TTC13: variants seen among roughly 807,000 people sequenced by gnomAD.
TTC13 encodes the protein tetratricopeptide repeat domain 13.
TTC13 carries 62 observed loss-of-function variants against 120.0 expected under a neutral mutation model. The ratio of observed to expected loss-of-function variants is 0.52; its 90% CI spans 0.42 to 0.64. The LOEUF (loss-of-function observed/expected upper bound fraction) is 0.64. Among genes scored for constraint, TTC13 ranks in the 30% least tolerant of loss-of-function variants. The pLI is 0.00. For synonymous variants in TTC13, 384 were observed against 393.5 expected (o/e 0.98, Z 0.28); for missense variants, 824 against 1,050.2 (o/e 0.78, Z 2.98).
At chr1:230,971,188 A>C (rs1220080485) in intron 1 of TTC13, among the ~76,000 whole-genome samples, 1 of 69,348 alleles carries the variant, frequency 1.4e-5, no homozygotes, top group East Asian at 3.7e-4. Context: ...TATTAAAAAT[A>C]CAAAAAAATT....
At chr1:230,977,455 C>T (rs567980561) in intron 1 of TTC13, among the ~76,000 whole-genome samples, 91 of 152,252 alleles carry the variant, frequency 6.0e-4, no homozygotes, top group African/African-American at 2.0e-3. Flanking sequence ...GTGTTACTTA[C>T]GCCGTTACCA....
intron 1 of TTC13, among the ~76,000 whole-genome samples, chr1:230,971,539 A>C (rs1336835354): frequency 6.6e-6 from 1 of 152,176 alleles, no homozygotes; most frequent in Non-Finnish European, 1.5e-5. Context: ...TCGTAAAGCA[A>C]ATTGAAAATA....
In TTC13 at chr1:230,940,638, C is replaced by T. The variant is rs375644087; in HGVS notation, c.673-82G>A. The T allele has an allele frequency of 1.2e-6, 1 of 847,738 alleles. No individual in the cohort carries two copies. The highest frequency in any genetic ancestry group is 1.7e-5 in the African/African-American group (1 of 59,786). The allele number at this position is 847,738 out of a possible 1,614,324, so 52.5% of individuals were successfully genotyped here. ...AATGTTTTTGACTCTTCAATTCCAC[C>T]TCACCATACTCCACTCAAAAATTAC... On this transcript the variant is annotated intron_variant, in intron 6 of 22. Transcript: ENST00000366661. This position sits in a 1 kb window ranked among gnomAD's most constrained non-coding sequence, Gnocchi z 4.1.
In TTC13 at chr1:230,961,514, TG is replaced by T. The variant is rs1345311301; in HGVS notation, c.272-212del. Among the ~76,000 whole-genome samples, 30 of 152,164 alleles carry T rather than the reference TG, an allele frequency of 2.0e-4. 1 individual carries two copies. The highest frequency in any genetic ancestry group is 2.0e-3 in the Admixed American group (30 of 15,282). ...TGAGGCAAGGAGTTCAAGACCAGCC[TG>T]GGCAACAGCAAACCAACCAGGCTGG... On this transcript the variant is annotated intron_variant, in intron 1 of 22. Coordinates refer to ENST00000366661, the MANE Select transcript of TTC13 (RefSeq NM_024525.5).
At chr1:230,964,953 C>T (rs910477653) in intron 1 of TTC13, among the ~76,000 whole-genome samples, 1 of 152,126 alleles carries the variant, frequency 6.6e-6, no homozygotes, top group Non-Finnish European at 1.5e-5. Context: ...AGACTCCTAT[C>T]CCTCACCATA....
rs1368146347 is a variant in TTC13 at position 230,978,160 on chromosome 1, G to A, written c.271+400C>T. 2.0e-5 allele frequency among the ~76,000 whole-genome samples: 3 copies of A among 152,164 alleles called. No individual in the cohort carries two copies. Among genetic ancestry groups the A allele is most frequent in the South Asian group, 2.1e-4 (1 of 4,832 alleles). On this transcript the variant is annotated intron_variant, in intron 1 of 22. Coordinates refer to ENST00000366661, the MANE Select transcript of TTC13 (RefSeq NM_024525.5). This position sits in a 1 kb window ranked among gnomAD's most constrained non-coding sequence, Gnocchi z 5.6. Reference sequence around the variant, plus strand: ...CCGGGGGCGGGCTCCGCAAGCCGCCGGGCTGGTTGCTCGTCCGCCCGCCCC... The same window carrying A: ...CCGGGGGCGGGCTCCGCAAGCCGCCAGGCTGGTTGCTCGTCCGCCCGCCCC...
intron 12 of TTC13, among the ~76,000 whole-genome samples, chr1:230,926,966 GGCTTATGA>G (rs1332843811): frequency 1.3e-5 from 2 of 152,094 alleles, no homozygotes; most frequent in African/African-American, 2.4e-5. Flanking sequence ...TCTACAGTTT[GGCTTATGA>G]GCTTTGGGAG....
Position 230,916,224 on chromosome 1 carries a change from C to T in TTC13, c.2062G>A (p.Asp688Asn), listed in dbSNP as rs771744234. The change falls in exon 18 of 23, where the codon GAT (aspartate) becomes AAT (asparagine). Residue 688 changes from aspartate (D) to asparagine (N), a missense_variant. By Grantham distance (23) the Asp-to-Asn change is conservative. This residue lies in a region of TTC13 where 226 missense variants were observed against 259.1 expected (regional missense o/e 0.87). Coordinates refer to ENST00000366661, the MANE Select transcript of TTC13 (RefSeq NM_024525.5). ...PSLKDQGKEY[D>N]GFTITITGDK... ...CCTGTAATCGTGATTGTGAATCCAT[C>T]ATATTCCTTCCCTTGGTCTTTAAGG... 2 of 1,614,080 alleles carry T rather than the reference C, an allele frequency of 1.2e-6. No homozygotes were observed. The highest frequency in any genetic ancestry group is 4.5e-5 in the East Asian group (2 of 44,886).
intron 3 of TTC13, 52 bp downstream of exon 3, chr1:230,958,172 A>G: frequency 6.3e-7 from 1 of 1,594,282 alleles, no homozygotes; most frequent in East Asian, 2.2e-5. Flanking sequence ...TATGCATCTA[A>G]CCAAAACTTT....
chr1:230,973,338 A>G (rs1161136734), intron 1 of TTC13, among the ~76,000 whole-genome samples: 1 of 152,258 alleles, frequency 6.6e-6, no homozygotes, highest in African/African-American at 2.4e-5. Flanking sequence ...ATATACATGG[A>G]CAATCTCAGT....
chr1:230,933,975 G>T, intron 8 of TTC13, 114 bp from the exon 9 acceptor site: 1 of 561,068 alleles, frequency 1.8e-6, no homozygotes, highest in Non-Finnish European at 2.9e-6. Context: ...TTTTCTTTTA[G>T]GAGGACTTTT....
chr1:230,928,800 T>A (rs1343674), intron 12 of TTC13, 137 bp downstream of exon 12: 1 of 770,596 alleles, frequency 1.3e-6, no homozygotes, highest in Non-Finnish European at 2.1e-6. Context: ...ACAAGGATAG[T>A]ATGCTTGATT....
chr1:230,943,073 C>T (rs947489005), intron 6 of TTC13, among the ~76,000 whole-genome samples: 7 of 152,142 alleles, frequency 4.6e-5, no homozygotes, highest in Non-Finnish European at 7.3e-5. Flanking sequence ...GCAGAATGAA[C>T]GCTTCCAAGG....
intron 9 of TTC13, 22 bp from the exon 10 acceptor site, chr1:230,931,899 T>G (rs760399422): frequency 1.2e-5 from 19 of 1,611,108 alleles, no homozygotes; most frequent in Non-Finnish European, 1.6e-5. Flanking sequence ...ATAATAGTTA[T>G]GAATACAGTA....
intron 3 of TTC13, among the ~76,000 whole-genome samples, chr1:230,957,237 T>C (rs1676174646): frequency 6.6e-6 from 1 of 152,152 alleles, no homozygotes; most frequent in Non-Finnish European, 1.5e-5. Flanking sequence ...AAGAGTTTGA[T>C]ACCAGCCTGG....
At chr1:230,912,204 A>T (rs1671580153) in intron 19 of TTC13, among the ~76,000 whole-genome samples, 1 of 152,178 alleles carries the variant, frequency 6.6e-6, no homozygotes, top group African/African-American at 2.4e-5. Flanking sequence ...TGCAAAGTAT[A>T]CACAACTTCA....
At chr1:230,956,655 C>T (rs1284656637) in intron 3 of TTC13, 1 of 277,086 alleles carries the variant, frequency 3.6e-6, no homozygotes, top group African/African-American at 2.3e-5. Flanking sequence ...GATGGCTGTC[C>T]ACATCTAAGT....
chr1:230,972,448 A>C (rs537256139), intron 1 of TTC13, among the ~76,000 whole-genome samples: 28 of 152,392 alleles, frequency 1.8e-4, no homozygotes, highest in African/African-American at 6.0e-4. Context: ...AAGTATTAAA[A>C]TTCTGCCGCT....
chr1:230,957,944 C>G (rs1170497657), intron 3 of TTC13, among the ~76,000 whole-genome samples: 1 of 152,184 alleles, frequency 6.6e-6, no homozygotes, highest in Non-Finnish European at 1.5e-5. Context: ...ACACAAATAA[C>G]CTTTTACTGA....
Sources: allele counts gnomAD v4.1 joint callset (sites outside exome capture counted in the v4.1 genomes callset), GRCh38; gene constraint gnomAD v4.1.1; regional missense constraint gnomAD v4.1.1; non-coding constraint Gnocchi (gnomAD v3.1); transcripts MANE v1.5; gene names NCBI Gene and HGNC (gene_info 2026-07-23, HGNC 2026-07-21).